Variants in FGF13 observed in about 807,000 individuals in gnomAD.
The protein encoded by FGF13 is fibroblast growth factor 13.
Under a neutral mutation model 19.5 loss-of-function variants are expected in FGF13, and 2 were observed. The ratio of observed to expected loss-of-function variants is 0.10; its 90% CI spans 0.04 to 0.32. FGF13 has a LOEUF of 0.32. Ranked by LOEUF, FGF13 falls within the 10% of genes least tolerant of loss-of-function variation. The pLI, the probability that FGF13 is intolerant of heterozygous loss-of-function variation, is 1.00. For synonymous variants in FGF13, 72 were observed against 76.9 expected, an observed-to-expected ratio of 0.94 and a Z score of 0.33; for missense variants, 113 against 192.7, an observed-to-expected ratio of 0.59 and a Z score of 2.45.
rs2083877174 is a variant in FGF13 at position 139,145,082 on chromosome X, TG to T, written c.-113+58333del. Among the ~76,000 whole-genome samples, 2 of 112,138 alleles carry T rather than the reference TG, an allele frequency of 1.8e-5. 1 individual carries two copies. The highest frequency in any genetic ancestry group is 1.9e-4 in the Admixed American group (2 of 10,569). On this transcript the variant is annotated intron_variant, in intron 1 of 2. Coordinates refer to the FGF13 transcript ENST00000421460. The stretch of plus-strand genomic sequence containing the variant: ...TTTGTATTTTTGCAAATCTCTTTAA[TG>T]TCTGGGTTAATGGAGGACAGCTGGA...
At chrX:138,678,603 C>T (rs1040881541) in intron 3 of FGF13, among the ~76,000 whole-genome samples, 1 of 111,270 alleles carries the variant, frequency 9.0e-6, no homozygotes, top group East Asian at 2.8e-4. Context: ...ACAACTGAAC[C>T]GTAGATTTTT....
intron 1 of FGF13, among the ~76,000 whole-genome samples, chrX:138,952,421 T>A (rs1368815285): frequency 8.9e-6 from 1 of 111,924 alleles, no homozygotes; most frequent in Non-Finnish European, 1.9e-5. Flanking sequence ...TATACAAAAA[T>A]TAATTCAAGA....
chrX:138,814,553 A>G (rs1266096327), intron 3 of FGF13, among the ~76,000 whole-genome samples: 1 of 111,673 alleles, frequency 9.0e-6, no homozygotes, highest in Non-Finnish European at 1.9e-5. Context: ...ACTTAAGTAG[A>G]CATTTCCCAA....
chrX:138,963,948 A>G (rs1390983792), intron 1 of FGF13, among the ~76,000 whole-genome samples: 8 of 111,970 alleles, frequency 7.1e-5, no homozygotes, highest in African/African-American at 2.3e-4. Context: ...ACACTTAACA[A>G]ATACTTGTTG....
chrX:139,053,475 G>T (rs1342281137), intron 1 of FGF13, among the ~76,000 whole-genome samples: 1 of 108,052 alleles, frequency 9.3e-6, no homozygotes, highest in Non-Finnish European at 1.9e-5. Flanking sequence ...ATTGCATCGT[G>T]GTTTTGATTT....
chrX:138,855,390 A>G (rs1347684043), downstream of FGF13, among the ~76,000 whole-genome samples: 1 of 112,118 alleles, frequency 8.9e-6, no homozygotes, highest in Non-Finnish European at 1.9e-5. Flanking sequence ...GAGGGGGTAC[A>G]GTAAGATTGC....
intron 1 of FGF13, among the ~76,000 whole-genome samples, chrX:138,735,036 A>G (rs2090262603): frequency 1.8e-5 from 2 of 112,168 alleles, no homozygotes; most frequent in South Asian, 7.4e-4. Context: ...CACTGCCTCC[A>G]ACTAGTTGGC....
rs756955258 is a variant in FGF13 at position 138,708,357 on chromosome X, C to A, written c.298+461G>T. 1.7e-4 allele frequency among the ~76,000 whole-genome samples: 19 copies of A among 111,956 alleles called. 1 individual carries two copies. The South Asian group carries it at 7.1e-3, about 42-fold the overall frequency. ...GAGGTATCTCAATGTTAAAATTCCA[C>A]TAGTCTCAGAGTTATCAGTGTGTGT... On this transcript the variant is annotated intron_variant, in intron 2 of 4. Transcript: ENST00000315930.
intron 3 of FGF13, among the ~76,000 whole-genome samples, chrX:138,825,120 T>C (rs2091025398): frequency 1.8e-5 from 2 of 111,834 alleles, no homozygotes; most frequent in African/African-American, 6.5e-5. Flanking sequence ...GACATCTTAG[T>C]TGTGAGAAAT....
intron 1 of FGF13, among the ~76,000 whole-genome samples, chrX:139,070,123 T>C (rs187073227): frequency 5.1e-4 from 57 of 111,526 alleles, no homozygotes; most frequent in Non-Finnish European, 9.2e-4. Flanking sequence ...AAGCCAAAAT[T>C]GACAAGTGGG....
In FGF13 at chrX:138,619,171, A is replaced by G. The variant is rs1372747414; in HGVS notation, c.*13679T>C. 2.7e-5 allele frequency: 3 copies of G among 112,013 alleles called. No individual in the cohort carries two copies. The highest frequency in any genetic ancestry group is 4.2e-3 in the Middle Eastern group (1 of 238). The allele number at this position is 112,013 out of a possible 1,213,427, so 9.2% of individuals were successfully genotyped here. A position where few individuals can be genotyped will look rare whatever the true frequency, so the allele number is the denominator to read the frequency against. On this transcript the variant is annotated 3_prime_UTR_variant, in exon 5 of 5. Coordinates refer to ENST00000315930, the MANE Select transcript of FGF13 (RefSeq NM_004114.5). ...CTTGGGTTGCTACATGAGAACACAG[A>G]CAAAGAAGTCAGTAGAATCAGGAAA...
chrX:139,028,477 C>T (rs753596123), intron 1 of FGF13, among the ~76,000 whole-genome samples: 30 of 111,277 alleles, frequency 2.7e-4, no homozygotes, highest in African/African-American at 9.8e-4. Flanking sequence ...AAAATAAAGA[C>T]TGAATGATGA....
chrX:139,193,599 C>T (rs140757808), intron 1 of FGF13, among the ~76,000 whole-genome samples: 3,127 of 110,945 alleles, frequency 0.028, 110 homozygotes, highest in African/African-American at 0.096. Flanking sequence ...GGAAGAAAGG[C>T]TTCATGGAGG....
At chrX:138,919,530 T>C (rs1424356627) in intron 1 of FGF13, among the ~76,000 whole-genome samples, 1 of 112,158 alleles carries the variant, frequency 8.9e-6, no homozygotes, top group Non-Finnish European at 1.9e-5. Context: ...TCAAACGTCT[T>C]TCAATGGGTA....
intron 1 of FGF13, among the ~76,000 whole-genome samples, chrX:138,886,804 G>A (rs2091453715): frequency 8.9e-6 from 1 of 111,752 alleles, no homozygotes; most frequent in Non-Finnish European, 1.9e-5. Context: ...CACCACACTA[G>A]GCAGATATAA....
chrX:139,162,957 A>G (rs892540634), intron 1 of FGF13, among the ~76,000 whole-genome samples: 16 of 112,149 alleles, frequency 1.4e-4, no homozygotes, highest in South Asian at 1.1e-3. Context: ...GTGTAAATTA[A>G]TTCAACCATT....
intron 3 of FGF13, among the ~76,000 whole-genome samples, chrX:138,778,863 A>G (rs1047884907): frequency 1.8e-5 from 2 of 112,628 alleles, no homozygotes; most frequent in Non-Finnish European, 3.8e-5. Context: ...CTCTGGGGGC[A>G]GGGCACAGAC....
chrX:139,030,958 G>C (rs919636378), intron 1 of FGF13, among the ~76,000 whole-genome samples: 2 of 111,774 alleles, frequency 1.8e-5, no homozygotes, highest in African/African-American at 6.5e-5. Context: ...TTAAAGATCT[G>C]GTTTTTGGAA....
intron 1 of FGF13, among the ~76,000 whole-genome samples, chrX:138,890,650 C>G (rs1013009022): frequency 8.9e-6 from 1 of 111,806 alleles, no homozygotes; most frequent in Middle Eastern, 4.2e-3. Flanking sequence ...ATTCTTTTTG[C>G]TTACTCACTC....
Sources: gnomAD v4.1 joint callset for allele counts (sites outside exome capture counted in the v4.1 genomes callset) on GRCh38, gnomAD v4.1.1 for gene constraint, MANE v1.5 for transcripts, NCBI Gene and HGNC (gene_info 2026-07-23, HGNC 2026-07-21) for gene names.